The following BABAM2 variants were observed in gnomAD, a reference collection of about 807,000 sequenced individuals.
The protein encoded by BABAM2 is BRISC and BRCA1-A complex member 2.
A neutral mutation model predicts 54.7 loss-of-function variants in BABAM2; 31 were observed. That is an observed-to-expected ratio of 0.57 (90% confidence interval 0.43 to 0.77). The LOEUF is 0.77. Ranked by LOEUF, BABAM2 falls within the 30% of genes least tolerant of loss-of-function variation. BABAM2 has a pLI of 0.00. For synonymous variants in BABAM2, 167 were observed against 162.9 expected (o/e 1.03, Z -0.19); for missense variants, 364 against 455.8 (o/e 0.80, Z 1.83).
At chr2:28,182,867 T>C (rs1447016917) in intron 7 of BABAM2, among the ~76,000 whole-genome samples, 3 of 152,206 alleles carry the variant, frequency 2.0e-5, no homozygotes, top group Non-Finnish European at 4.4e-5. Context: ...CTGCTGTTGT[T>C]TGATTAGTCT....
In BABAM2 at chr2:28,329,453, C is replaced by G. The variant is rs531117961; in HGVS notation, c.1089-8997C>G. ...TACACATTTCCATTCTCCTCACAAC[C>G]TCCTTGAAAAGAGGTGCTAGTCAAT... On this transcript the variant is annotated intron_variant, in intron 11 of 11. Coordinates refer to ENST00000379624, the MANE Select transcript of BABAM2 (RefSeq NM_199191.3). The surrounding 1 kb of genome is among the most constrained non-coding windows in gnomAD (Gnocchi z 4.2). Among the ~76,000 whole-genome samples the G allele has an allele frequency of 6.6e-6, 1 of 152,268 alleles. No homozygotes were observed. The highest frequency in any genetic ancestry group is 6.5e-5 in the Admixed American group (1 of 15,292).
At chr2:28,161,271 C>A (rs1425296722) in intron 7 of BABAM2, among the ~76,000 whole-genome samples, 10 of 152,176 alleles carry the variant, frequency 6.6e-5, no homozygotes, top group Admixed American at 5.9e-4. Flanking sequence ...TTGCTTGTAC[C>A]AACGGGCTTC....
chr2:28,208,502 G>A (rs927552030), intron 7 of BABAM2, among the ~76,000 whole-genome samples: 4 of 152,158 alleles, frequency 2.6e-5, no homozygotes, highest in Non-Finnish European at 4.4e-5. Flanking sequence ...CCTCCAGAAG[G>A]GGTGCCCTGA....
intron 2 of BABAM2, chr2:27,896,733 C>G (rs150426344): frequency 8.6e-4 from 176 of 203,822 alleles, no homozygotes; most frequent in African/African-American, 4.1e-3. Flanking sequence ...GGATGCACAC[C>G]ATATTTTCCT....
intron 10 of BABAM2, among the ~76,000 whole-genome samples, chr2:28,253,735 G>C (rs553152713): frequency 6.6e-6 from 1 of 152,326 alleles, no homozygotes; most frequent in Admixed American, 6.5e-5. Context: ...CAGAGGGTCA[G>C]TGTCTGCAGC....
At chr2:28,194,838 G>A (rs1256921974) in intron 7 of BABAM2, among the ~76,000 whole-genome samples, 1 of 152,092 alleles carries the variant, frequency 6.6e-6, no homozygotes, top group Non-Finnish European at 1.5e-5. Flanking sequence ...GAGATTACAG[G>A]TGTGAGCCAC....
chr2:28,337,776 G>C (rs1691599014), intron 11 of BABAM2, among the ~76,000 whole-genome samples: 2 of 152,228 alleles, frequency 1.3e-5, no homozygotes, highest in African/African-American at 4.8e-5. Flanking sequence ...CTTGAGGCCA[G>C]GAGTTTGAGA....
At chr2:28,098,074 A>G (rs548972098) in intron 6 of BABAM2, among the ~76,000 whole-genome samples, 1 of 152,202 alleles carries the variant, frequency 6.6e-6, no homozygotes, top group Admixed American at 6.5e-5. Flanking sequence ...TTTCCAACAC[A>G]TGTTTTAGTA....
At position 28,325,451 on chromosome 2, in the gene BABAM2, C is replaced by T. The variant is rs545147595; in HGVS notation, c.1089-12999C>T. 6.6e-6 allele frequency among the ~76,000 whole-genome samples: 1 copy of T among 152,342 alleles called. No individual in the cohort carries two copies. The highest frequency in any genetic ancestry group is 1.9e-4 in the East Asian group (1 of 5,194). ...TGCCAGCCTGCATGGAACTTCCCCA[C>T]ACCCTACCCCAGCAGAGCCCACCTG... On this transcript the variant is annotated intron_variant, in intron 11 of 11. Transcript: ENST00000379624. This position sits in a 1 kb window ranked among gnomAD's most constrained non-coding sequence, Gnocchi z 4.3.
intron 3 of BABAM2, among the ~76,000 whole-genome samples, chr2:27,979,571 T>C (rs1671858177): frequency 6.6e-6 from 1 of 152,158 alleles, no homozygotes; most frequent in South Asian, 2.1e-4. Flanking sequence ...CTAGTTTATG[T>C]TCCCACCAAC....
At position 27,948,536 on chromosome 2, in the gene BABAM2, C is replaced by T. The variant is rs543724613; in HGVS notation, c.205+18628C>T. Among the ~76,000 whole-genome samples, 42 of 152,204 alleles carry T rather than the reference C, an allele frequency of 2.8e-4. No homozygotes were observed. In the East Asian group the frequency reaches 5.0e-3, roughly 18 times the overall value. ...CTGTAATCACAGTACTTTGGGAGGCCGAGGTGGGTGGATCACCTGAGGTCA... is the reference window on the plus strand; with the variant it reads ...CTGTAATCACAGTACTTTGGGAGGCTGAGGTGGGTGGATCACCTGAGGTCA... On this transcript the variant is annotated intron_variant, in intron 3 of 11. Transcript: ENST00000379624.
chr2:28,091,392 A>G (rs891377202), intron 6 of BABAM2, among the ~76,000 whole-genome samples: 6 of 152,176 alleles, frequency 3.9e-5, no homozygotes, highest in Non-Finnish European at 7.4e-5. Flanking sequence ...AGAGTAGACT[A>G]TTTTTATTAT....
At chr2:28,148,390 G>A (rs1671704831) in intron 7 of BABAM2, among the ~76,000 whole-genome samples, 1 of 152,176 alleles carries the variant, frequency 6.6e-6, no homozygotes. Flanking sequence ...TGTATGTGTA[G>A]GTTGGTTATT....
chr2:28,071,261 A>C (rs1558308577), intron 6 of BABAM2, among the ~76,000 whole-genome samples: 1 of 151,852 alleles, frequency 6.6e-6, no homozygotes, highest in African/African-American at 2.4e-5. Flanking sequence ...TCATTTATAG[A>C]TTCCTCCTCT....
At chr2:28,280,159 A>G (rs994759800) in intron 10 of BABAM2, among the ~76,000 whole-genome samples, 21 of 151,948 alleles carry the variant, frequency 1.4e-4, no homozygotes, top group African/African-American at 4.8e-4. Flanking sequence ...CCTGGGCTCA[A>G]GCAGTCCTCC....
intron 3 of BABAM2, among the ~76,000 whole-genome samples, chr2:27,973,882 A>G (rs967764999): frequency 6.6e-6 from 1 of 152,234 alleles, no homozygotes; most frequent in African/African-American, 2.4e-5. Flanking sequence ...AATCAAGTCC[A>G]CAGAAGATGG....
At chr2:28,268,524 C>T (rs1685168772) in intron 10 of BABAM2, among the ~76,000 whole-genome samples, 1 of 152,174 alleles carries the variant, frequency 6.6e-6, no homozygotes, top group Non-Finnish European at 1.5e-5. Context: ...GTATGTGTCA[C>T]ATATTGCATA....
intron 6 of BABAM2, among the ~76,000 whole-genome samples, chr2:28,084,581 C>G (rs905744476): frequency 2.0e-5 from 3 of 152,036 alleles, no homozygotes; most frequent in African/African-American, 7.2e-5. Flanking sequence ...ATTCAAGTAC[C>G]CTTGGGTGTC....
chr2:28,288,109 G>C (rs1416557221), intron 10 of BABAM2, among the ~76,000 whole-genome samples: 1 of 152,106 alleles, frequency 6.6e-6, no homozygotes, highest in Non-Finnish European at 1.5e-5. Context: ...CTAGAAAAGA[G>C]GTATTTCTGA....
Sources: allele counts gnomAD v4.1 joint callset (sites outside exome capture counted in the v4.1 genomes callset), GRCh38; gene constraint gnomAD v4.1.1; non-coding constraint Gnocchi (gnomAD v3.1); transcripts MANE v1.5; gene names NCBI Gene and HGNC (gene_info 2026-07-23, HGNC 2026-07-21).